The following DTX2 variants were observed in gnomAD, a reference collection of about 807,000 sequenced individuals.
DTX2 encodes deltex E3 ubiquitin ligase 2, also known as probable E3 ubiquitin-protein ligase DTX2.
DTX2 carries 29 observed loss-of-function variants against 55.3 expected under a neutral mutation model. That is an observed-to-expected ratio of 0.52 (90% CI 0.39 to 0.71). The LOEUF is 0.71. Ranked by LOEUF, DTX2 falls within the 30% of genes least tolerant of loss-of-function variation. DTX2 has a pLI of 0.00. For synonymous variants in DTX2, 276 were observed against 340.4 expected (o/e 0.81, Z 2.08); for missense variants, 537 against 822.5 (o/e 0.65, Z 4.25).
chr7:76,463,166 T>C (rs1305604159), intron 1 of DTX2, among the ~76,000 whole-genome samples: 1 of 150,570 alleles, frequency 6.6e-6, no homozygotes, highest in Non-Finnish European at 1.5e-5. Flanking sequence ...TAATCCCAGC[T>C]ACTCGGGAAG....
chr7:76,488,569 A>G (rs1810127072), intron 4 of DTX2, among the ~76,000 whole-genome samples: 1 of 83,890 alleles, frequency 1.2e-5, no homozygotes, highest in Non-Finnish European at 2.4e-5. Flanking sequence ...AGAGTTGCAG[A>G]GACCATCAGA....
At position 76,480,468 on chromosome 7, in the gene DTX2, G is replaced by T; in HGVS notation, c.-42G>T. The T allele has an allele frequency of 6.5e-7, 1 of 1,527,856 alleles. No individual in the cohort carries two copies. The highest frequency in any genetic ancestry group is 2.1e-5 in the Admixed American group (1 of 47,780). The allele number at this position is 1,527,856 out of a possible 1,614,324, so 94.6% of individuals were successfully genotyped here. A position where few individuals can be genotyped will look rare whatever the true frequency, so the allele number is the denominator to read the frequency against. Reference sequence around the variant, plus strand: ...TGACCCCGGGACTCCAGGCCAGAGGGGTCTGAAGCTGTTTGGGAAAGCAGC... The same window carrying T: ...TGACCCCGGGACTCCAGGCCAGAGGTGTCTGAAGCTGTTTGGGAAAGCAGC... On this transcript the variant is annotated 5_prime_UTR_variant, in exon 3 of 11. Transcript: ENST00000430490.
chr7:76,483,979 A>T (rs1809618869), intron 4 of DTX2, among the ~76,000 whole-genome samples: 1 of 147,134 alleles, frequency 6.8e-6, no homozygotes, highest in Admixed American at 6.8e-5. Flanking sequence ...ATTGCTGGAG[A>T]CCAGGAGGTC....
intron 2 of DTX2, chr7:76,474,932 G>A (rs1056163472): frequency 1.3e-5 from 2 of 152,054 alleles, no homozygotes; most frequent in Admixed American, 6.6e-5. Flanking sequence ...GATTTGTGGC[G>A]AAGACCTGAC....
chr7:76,488,482 G>A (rs377446110), intron 4 of DTX2, among the ~76,000 whole-genome samples: 1 of 78,162 alleles, frequency 1.3e-5, no homozygotes, highest in East Asian at 3.3e-4. Flanking sequence ...CCAAATTTCA[G>A]CTTTCTGGGC....
At chr7:76,474,210 C>CTTTTA (rs1462707849) in intron 2 of DTX2, among the ~76,000 whole-genome samples, 1 of 126,430 alleles carries the variant, frequency 7.9e-6, no homozygotes, top group Non-Finnish European at 1.6e-5. Flanking sequence ...TTTTTCTTTT[C>CTTTTA]TTTCTTTCTT....
At chr7:76,482,430 G>A (rs572450293) in intron 3 of DTX2, 78 bp from the exon 4 acceptor site, 23 of 1,429,282 alleles carry the variant, frequency 1.6e-5, no homozygotes, top group African/African-American at 4.3e-5. Context: ...TTATTTTGGC[G>A]GTTGAAAAAA....
At chr7:76,479,744 G>T (rs532924775) in intron 2 of DTX2, among the ~76,000 whole-genome samples, 2 of 151,660 alleles carry the variant, frequency 1.3e-5, no homozygotes, top group South Asian at 2.1e-4. Flanking sequence ...GAGATCACAC[G>T]CCTGGGTGAC....
chr7:76,494,945 C>T (rs1407977739), intron 5 of DTX2, among the ~76,000 whole-genome samples: 2 of 97,792 alleles, frequency 2.0e-5, no homozygotes, highest in African/African-American at 8.1e-5. Context: ...CGGAGACGAG[C>T]GTTTGCGCAC....
intron 3 of DTX2, among the ~76,000 whole-genome samples, chr7:76,481,398 G>A (rs1220855955): frequency 6.6e-6 from 1 of 152,130 alleles, no homozygotes; most frequent in Non-Finnish European, 1.5e-5. Context: ...CGTTGGCCAG[G>A]CTGGTGTCGA....
chr7:76,486,771 C>T (rs1809945472), intron 4 of DTX2, among the ~76,000 whole-genome samples: 2 of 144,298 alleles, frequency 1.4e-5, no homozygotes, highest in Admixed American at 7.1e-5. Flanking sequence ...AGCCTGTGGG[C>T]GTTTTGCTCT....
At chr7:76,490,646 AG>A (rs1443058319) in intron 4 of DTX2, among the ~76,000 whole-genome samples, 1 of 134,914 alleles carries the variant, frequency 7.4e-6, no homozygotes, top group African/African-American at 2.7e-5. Context: ...CAGAGTCTCC[AG>A]CCTGGGCTGG....
At chr7:76,477,800 CTAAATAAATAAATAAATAAA>C (rs200872991) in intron 2 of DTX2, among the ~76,000 whole-genome samples, 5 of 90,072 alleles carry the variant, frequency 5.6e-5, no homozygotes, top group South Asian at 4.5e-4. Flanking sequence ...GACTCGGACT[CTAAATAAATAAATAAATAAA>C]TAAATAAATA....
intron 2 of DTX2, among the ~76,000 whole-genome samples, chr7:76,471,548 A>C (rs1807926276): frequency 6.7e-6 from 1 of 150,054 alleles, no homozygotes; most frequent in South Asian, 2.1e-4. Context: ...TTTTTTAAAG[A>C]GACAGGGTCT....
intron 2 of DTX2, chr7:76,471,156 C>T (rs1311281052): frequency 2.4e-3 from 776 of 326,176 alleles, no homozygotes; most frequent in South Asian, 4.2e-3. Flanking sequence ...TCCATTCGTT[C>T]TTTTTTTTTT....
chr7:76,480,774 A>ACC lies in DTX2; in HGVS notation c.266_267dup (p.Gly90ProfsTer27). 1 of 1,598,558 alleles carries ACC rather than the reference A, an allele frequency of 6.3e-7. No individual in the cohort carries two copies. On this transcript the variant is annotated frameshift_variant, in exon 3 of 11. Transcript: ENST00000430490. LOFTEE classifies it high-confidence loss of function. Reference sequence around the variant, plus strand: ...CAGCTGGACCCAGTTCCGCCAGGACACCGGTAAGACGCTGTCTGCCTCTCG... The same window carrying ACC: ...CAGCTGGACCCAGTTCCGCCAGGACACCCCGGTAAGACGCTGTCTGCCTCTCG...
At chr7:76,495,568 G>A (rs569522521) in intron 5 of DTX2, among the ~76,000 whole-genome samples, 3 of 150,376 alleles carry the variant, frequency 2.0e-5, no homozygotes, top group South Asian at 4.2e-4. Flanking sequence ...AAAAGGACAC[G>A]TGTGTCACTC....
chr7:76,481,137 C>T (rs1273126067), intron 3 of DTX2, among the ~76,000 whole-genome samples: 3 of 152,124 alleles, frequency 2.0e-5, no homozygotes, highest in African/African-American at 4.8e-5. Context: ...CAGGCAACTG[C>T]GCCCCTCTGC....
chr7:76,497,333 G>A lies in DTX2; in HGVS notation c.1010-4G>A, dbSNP rs1324788623. 6.2e-7 allele frequency: 1 copy of A among 1,613,544 alleles called. No homozygotes were observed. Among genetic ancestry groups the A allele is most frequent in the African/African-American group, 1.3e-5 (1 of 74,894 alleles). On this transcript the variant is annotated splice_region_variant and splice_polypyrimidine_tract_variant and intron_variant, in intron 5 of 10. Coordinates refer to ENST00000430490, the MANE Select transcript of DTX2 (RefSeq NM_001102594.3). ...TCTGCGTGTCTGCTCTCACACCCGT[G>A]CAGGCATGACGAGTGTTCTGATGTC...
Sources: allele counts gnomAD v4.1 joint callset (sites outside exome capture counted in the v4.1 genomes callset), GRCh38; gene constraint gnomAD v4.1.1; transcripts MANE v1.5; gene names NCBI Gene and HGNC (gene_info 2026-07-23, HGNC 2026-07-21).